The following CAMTA1 variants were observed in gnomAD, a reference collection of about 807,000 sequenced individuals.
The protein encoded by CAMTA1 is calmodulin binding transcription activator 1.
In CAMTA1, 27 loss-of-function variants were observed where a neutral mutation model predicts 170.9. The ratio of observed to expected loss-of-function variants is 0.16; its 90% CI spans 0.12 to 0.22. The LOEUF (loss-of-function observed/expected upper bound fraction) is 0.22. CAMTA1 is among the 10% of genes least tolerant of loss of function. The pLI is 1.00. For missense variants in CAMTA1, 1,619 were observed against 2,217.2 expected, an observed-to-expected ratio of 0.73 and a Z score of 5.42; for synonymous variants, 833 against 891.5, an observed-to-expected ratio of 0.93 and a Z score of 1.17.
intron 3 of CAMTA1, among the ~76,000 whole-genome samples, chr1:7,015,155 T>G (rs890849791): frequency 2.0e-5 from 3 of 152,102 alleles, no homozygotes; most frequent in Non-Finnish European, 2.9e-5. Context: ...CTCAAAGAGG[T>G]TCTTCTCACC....
At position 7,467,910 on chromosome 1, in the gene CAMTA1, C is replaced by T; in HGVS notation, c.510+9C>T. ...GCTACTGGCTCCTTCAGGTAGGTGGCTGGGACTGGATTCTTCTTCTGTCTC... is the reference window on the plus strand; with the variant it reads ...GCTACTGGCTCCTTCAGGTAGGTGGTTGGGACTGGATTCTTCTTCTGTCTC... On this transcript the variant is annotated intron_variant, in intron 6 of 22. Coordinates refer to ENST00000303635, the MANE Select transcript of CAMTA1 (RefSeq NM_015215.4). 3.7e-6 allele frequency: 6 copies of T among 1,610,016 alleles called. No individual in the cohort carries two copies. The highest frequency in any genetic ancestry group is 5.1e-6 in the Non-Finnish European group (6 of 1,176,250).
intron 3 of CAMTA1, among the ~76,000 whole-genome samples, chr1:6,847,869 A>ATTTTTTTT (rs70984025): frequency 1.4e-5 from 2 of 139,358 alleles, no homozygotes; most frequent in Admixed American, 7.2e-5. Context: ...CACCCAGCTA[A>ATTTTTTTT]TTTTTTTTTT....
At chr1:7,274,858 T>C (rs1472208752) in intron 5 of CAMTA1, among the ~76,000 whole-genome samples, 5 of 151,974 alleles carry the variant, frequency 3.3e-5, no homozygotes, top group Non-Finnish European at 5.9e-5. Context: ...CTAGAAAATA[T>C]TGGCTGAGCG....
At chr1:7,384,741 G>A (rs569549336) in intron 5 of CAMTA1, among the ~76,000 whole-genome samples, 33 of 152,246 alleles carry the variant, frequency 2.2e-4, no homozygotes, top group South Asian at 1.9e-3. Context: ...ATGTAACTGG[G>A]TGTGCGTGTG....
At chr1:7,510,877 G>C (rs924283672) in intron 6 of CAMTA1, among the ~76,000 whole-genome samples, 2 of 144,568 alleles carry the variant, frequency 1.4e-5, no homozygotes, top group African/African-American at 4.9e-5. Flanking sequence ...GGTCCCGGTG[G>C]TTTGGGAGTC....
intron 3 of CAMTA1, among the ~76,000 whole-genome samples, chr1:7,012,366 C>T (rs1406919015): frequency 6.6e-6 from 1 of 152,190 alleles, no homozygotes; most frequent in East Asian, 1.9e-4. Flanking sequence ...TTTCTGGTCC[C>T]TGTGAGGCCC....
intron 3 of CAMTA1, among the ~76,000 whole-genome samples, chr1:7,018,371 A>G (rs972881635): frequency 2.6e-5 from 4 of 152,108 alleles, no homozygotes; most frequent in Admixed American, 2.0e-4. Flanking sequence ...AGTGCTTATG[A>G]TGTAGGGGTT....
chr1:6,819,248 CA>C (rs1041995339), intron 1 of CAMTA1, among the ~76,000 whole-genome samples: 1 of 151,398 alleles, frequency 6.6e-6, no homozygotes, highest in South Asian at 2.1e-4. Flanking sequence ...TGCAGCCAAA[CA>C]AAAAAGATAT....
intron 5 of CAMTA1, among the ~76,000 whole-genome samples, chr1:7,394,638 GCTTGT>G (rs2089092996): frequency 6.6e-6 from 1 of 151,954 alleles, no homozygotes; most frequent in African/African-American, 2.4e-5. Flanking sequence ...CTATTCTGCA[GCTTGT>G]CTTTTCACTC....
chr1:6,905,560 C>G (rs1678263455), intron 3 of CAMTA1, among the ~76,000 whole-genome samples: 1 of 152,246 alleles, frequency 6.6e-6, no homozygotes, highest in Non-Finnish European at 1.5e-5. Context: ...CCGCTTCCCT[C>G]TCATAATAAA....
chr1:6,919,179 C>T (rs1557825891), intron 3 of CAMTA1, among the ~76,000 whole-genome samples: 2 of 152,142 alleles, frequency 1.3e-5, no homozygotes, highest in African/African-American at 4.8e-5. Flanking sequence ...GGAGGAGGGA[C>T]GTGGCTTAGG....
At chr1:7,594,964 G>A (rs1446189091) in intron 6 of CAMTA1, among the ~76,000 whole-genome samples, 2 of 152,242 alleles carry the variant, frequency 1.3e-5, no homozygotes, top group Admixed American at 6.5e-5. Context: ...CAGGAATGAA[G>A]GAGTCAAGGG....
intron 3 of CAMTA1, among the ~76,000 whole-genome samples, chr1:7,043,406 T>C (rs1704805280): frequency 6.6e-6 from 1 of 152,144 alleles, no homozygotes; most frequent in African/African-American, 2.4e-5. Context: ...CTCCGTCAGG[T>C]GGGGTCAGTA....
At chr1:7,183,018 T>G (rs1172165092) in intron 4 of CAMTA1, among the ~76,000 whole-genome samples, 4 of 152,346 alleles carry the variant, frequency 2.6e-5, no homozygotes, top group Non-Finnish European at 1.5e-5. Context: ...TCGTCTGTTT[T>G]GCATTGCTAT....
In CAMTA1 at chr1:6,950,622, C is replaced by T. The variant is rs141764882; in HGVS notation, c.234+125412C>T. Among the ~76,000 whole-genome samples the T allele has an allele frequency of 1.0e-3, 159 of 152,218 alleles. 2 individuals are homozygous for T. The highest frequency in any genetic ancestry group is 3.7e-3 in the African/African-American group (153 of 41,534). ...CACTGTGCCAGAGAGAATGTGGAGTCCTGGAGGCCTTGAACTGATTAGTAG... is the reference window on the plus strand; with the variant it reads ...CACTGTGCCAGAGAGAATGTGGAGTTCTGGAGGCCTTGAACTGATTAGTAG... On this transcript the variant is annotated intron_variant, in intron 3 of 22. Coordinates refer to ENST00000303635, the MANE Select transcript of CAMTA1 (RefSeq NM_015215.4).
rs1002220856 is a variant in CAMTA1 at position 7,482,732 on chromosome 1, A to T, written c.510+14831A>T. On this transcript the variant is annotated intron_variant, in intron 6 of 22. Transcript: ENST00000303635. The surrounding 1 kb of genome is among the most constrained non-coding windows in gnomAD (Gnocchi z 4.2). Reference sequence around the variant, plus strand: ...AAAAGGTTTCTTAGTTTGGAGACCAAGTTCTCAGAAAAACACTGTCGGTTC... The same window carrying T: ...AAAAGGTTTCTTAGTTTGGAGACCATGTTCTCAGAAAAACACTGTCGGTTC... Among the ~76,000 whole-genome samples the T allele has an allele frequency of 3.3e-5, 5 of 152,218 alleles. No homozygotes were observed. The highest frequency in any genetic ancestry group is 7.3e-5 in the Non-Finnish European group (5 of 68,044).
chr1:7,531,803 G>A (rs1222766398), intron 6 of CAMTA1, among the ~76,000 whole-genome samples: 1 of 152,244 alleles, frequency 6.6e-6, no homozygotes, highest in African/African-American at 2.4e-5. Context: ...CCACAGAGCG[G>A]CTGAGACTTC....
At chr1:7,306,320 G>A (rs1376901206) in intron 5 of CAMTA1, among the ~76,000 whole-genome samples, 3 of 151,888 alleles carry the variant, frequency 2.0e-5, no homozygotes, top group Non-Finnish European at 4.4e-5. Flanking sequence ...CTTAGGTTGA[G>A]GGTTCTCTGT....
At position 7,249,441 on chromosome 1, in the gene CAMTA1, T is replaced by G; in HGVS notation, c.303-50T>G. ...GGTCGATGATATCTTTCTTCATAAA[T>G]TTTTCTTCTACTTGGTACTCTTGGT... is the stretch of plus-strand genomic sequence containing the variant. On this transcript the variant is annotated intron_variant, in intron 4 of 22. Transcript: ENST00000303635. This position sits in a 1 kb window ranked among gnomAD's most constrained non-coding sequence, Gnocchi z 4.4. 1 of 1,531,164 alleles carries G rather than the reference T, an allele frequency of 6.5e-7. No individual in the cohort carries two copies. Among genetic ancestry groups the G allele is most frequent in the Non-Finnish European group, 8.9e-7 (1 of 1,128,870 alleles). 94.8% of individuals were successfully genotyped at this position (1,531,164 alleles called of 1,614,324 possible).
Sources: gnomAD v4.1 joint callset for allele counts (sites outside exome capture counted in the v4.1 genomes callset) on GRCh38, gnomAD v4.1.1 for gene constraint, Gnocchi (gnomAD v3.1) non-coding constraint, MANE v1.5 for transcripts, NCBI Gene and HGNC (gene_info 2026-07-23, HGNC 2026-07-21) for gene names.